The following THBS4 variants were observed in gnomAD, a reference collection of about 807,000 sequenced individuals.
THBS4 encodes thrombospondin 4, also known as thrombospondin-4.
In THBS4, 90 loss-of-function variants were observed where a neutral mutation model predicts 115.7. The observed-to-expected ratio is 0.78, with a 90% CI of 0.66 to 0.93. THBS4 has a LOEUF of 0.93. Ranked by LOEUF, THBS4 falls within the 40% of genes least tolerant of loss-of-function variation. The pLI, the probability that THBS4 is intolerant of heterozygous loss-of-function variation, is 0.00. For synonymous variants in THBS4, 460 were observed against 479.3 expected (o/e 0.96, Z 0.53); for missense variants, 1,087 against 1,232.7 (o/e 0.88, Z 1.77).
intron 8 of THBS4, 134 bp downstream of exon 8, chr5:80,061,966 C>A (rs1391632262): frequency 5.0e-6 from 5 of 999,776 alleles, no homozygotes; most frequent in East Asian, 2.7e-5. Context: ...GCAAAATGAG[C>A]AAATTAGGAA....
chr5:80,015,915 C>T (rs906137588), intron 2 of THBS4, among the ~76,000 whole-genome samples: 4 of 152,178 alleles, frequency 2.6e-5, no homozygotes, highest in African/African-American at 7.2e-5. Context: ...ACAAACTGCA[C>T]GGAAGCCAAT....
chr5:80,082,627 C>A (rs1438536874), intron 21 of THBS4, 82 bp downstream of exon 21: 7 of 1,543,610 alleles, frequency 4.5e-6, no homozygotes, highest in Non-Finnish European at 6.2e-6. Context: ...CCGCACTTCC[C>A]CCCCAAAAGC....
intron 9 of THBS4, 28 bp downstream of exon 9, chr5:80,065,505 CA>C (rs1452767633): frequency 6.3e-7 from 1 of 1,599,136 alleles, no homozygotes; most frequent in African/African-American, 1.3e-5. Context: ...CTGTTGTTAT[CA>C]AAGCAGAACC....
chr5:80,021,606 A>G (rs890175019), intron 2 of THBS4, among the ~76,000 whole-genome samples: 1 of 152,020 alleles, frequency 6.6e-6, no homozygotes, highest in African/African-American at 2.4e-5. Context: ...TCCCAGACTC[A>G]AGGGATCTTT....
chr5:80,021,443 A>G (rs953597247), intron 2 of THBS4, among the ~76,000 whole-genome samples: 13 of 152,208 alleles, frequency 8.5e-5, no homozygotes, highest in African/African-American at 2.9e-4. Context: ...AACATTATCT[A>G]TACACAGACA....
intron 2 of THBS4, among the ~76,000 whole-genome samples, chr5:80,022,113 A>G (rs1832390009): frequency 6.6e-6 from 1 of 152,086 alleles, no homozygotes; most frequent in Admixed American, 6.5e-5. Flanking sequence ...TCTTCAACCC[A>G]TTATGCTGAT....
intron 2 of THBS4, among the ~76,000 whole-genome samples, chr5:80,044,763 G>A (rs1833010722): frequency 6.6e-6 from 1 of 151,980 alleles, no homozygotes; most frequent in African/African-American, 2.4e-5. Context: ...AATATTGAAG[G>A]GCTTTTGGAA....
At chr5:80,075,108 T>C (rs1743133706) in intron 15 of THBS4, 1 of 152,254 alleles carries the variant, frequency 6.6e-6, no homozygotes, top group Admixed American at 6.5e-5. Flanking sequence ...ACAATGTAAA[T>C]GCTAGGTAAA....
intron 2 of THBS4, among the ~76,000 whole-genome samples, chr5:80,042,746 A>G (rs1045658804): frequency 2.0e-5 from 3 of 152,170 alleles, no homozygotes; most frequent in Admixed American, 6.6e-5. Context: ...CAGGCAGATC[A>G]CCTGAGGTCA....
rs755066473 is a variant in THBS4 at position 80,035,633 on chromosome 5, G to A, written c.88+8G>A. 2 of 1,346,018 alleles carry A rather than the reference G, an allele frequency of 1.5e-6. No homozygotes were observed. The highest frequency in any genetic ancestry group is 1.5e-5 in the African/African-American group (1 of 66,346). The allele number at this position is 1,346,018 out of a possible 1,614,324, so 83.4% of individuals were successfully genotyped here. A position where few individuals can be genotyped will look rare whatever the true frequency, so the allele number is the denominator to read the frequency against. ...CCCAGGCCACCCCCCAGGGTAAGTGGGTTCGGGTCGGGCCTGGGAGCGCCG... is the reference window on the plus strand; with the variant it reads ...CCCAGGCCACCCCCCAGGGTAAGTGAGTTCGGGTCGGGCCTGGGAGCGCCG... On this transcript the variant is annotated splice_region_variant and intron_variant, in intron 1 of 21. Transcript: ENST00000350881. This position sits in a 1 kb window ranked among gnomAD's most constrained non-coding sequence, Gnocchi z 4.6.
chr5:80,007,587 A>T (rs1055419326), intron 2 of THBS4, among the ~76,000 whole-genome samples: 1 of 152,094 alleles, frequency 6.6e-6, no homozygotes, highest in Admixed American at 6.6e-5. Context: ...CCTGTTTCTC[A>T]CTCAAGTTCT....
intron 2 of THBS4, among the ~76,000 whole-genome samples, chr5:80,051,304 C>T (rs17878367): frequency 0.022 from 3,277 of 148,740 alleles, 114 homozygotes; most frequent in African/African-American, 0.077. Flanking sequence ...AGCCTGCTTG[C>T]CCTCTGGGTA....
chr5:79,994,575 A>G (rs1831751465), intron 1 of THBS4, among the ~76,000 whole-genome samples: 1 of 152,132 alleles, frequency 6.6e-6, no homozygotes, highest in African/African-American at 2.4e-5. Flanking sequence ...GCACTTTGGG[A>G]GGGAGGATCA....
Position 80,078,047 on chromosome 5 carries a change from A to C in THBS4, c.2087-2A>C, listed in dbSNP as rs1386244275. On this transcript the variant is annotated splice_acceptor_variant, in intron 16 of 21. Transcript: ENST00000350881. LOFTEE classifies it high-confidence loss of function. ...CTCCTGTCCTTTCTCCACCCCACTCAGGCGACGGAGTGGGAGACATCTGTG... is the reference window on the plus strand; with the variant it reads ...CTCCTGTCCTTTCTCCACCCCACTCCGGCGACGGAGTGGGAGACATCTGTG... 1.9e-6 allele frequency: 3 copies of C among 1,570,828 alleles called. No individual in the cohort carries two copies. Among genetic ancestry groups the C allele is most frequent in the Non-Finnish European group, 1.7e-6 (2 of 1,151,196 alleles).
chr5:80,067,082 G>A (rs1833855404), intron 9 of THBS4: 1 of 152,028 alleles, frequency 6.6e-6, no homozygotes, highest in Non-Finnish European at 1.5e-5. Context: ...AGATGAAAAA[G>A]ATCTAATGTA....
At chr5:80,023,923 G>T (rs997445629) in intron 2 of THBS4, among the ~76,000 whole-genome samples, 2 of 152,042 alleles carry the variant, frequency 1.3e-5, no homozygotes, top group Non-Finnish European at 2.9e-5. Flanking sequence ...TTGTGGAAGG[G>T]CATTAATCTA....
chr5:80,003,441 T>A lies in THBS4; in HGVS notation n.177+5014T>A, dbSNP rs114559512. Among the ~76,000 whole-genome samples, 611 of 152,100 alleles carry A rather than the reference T, an allele frequency of 4.0e-3. 2 individuals are homozygous for A. The highest frequency in any genetic ancestry group is 0.014 in the African/African-American group (587 of 41,492). ...GCTTTTGGAAGGGTTAGGTTAGAGG[T>A]CACATCATGCTGTTTTCCTTATCAA... is the stretch of plus-strand genomic sequence containing the variant. On this transcript the variant is annotated intron_variant and non_coding_transcript_variant, in intron 2 of 3. Coordinates refer to the THBS4 transcript ENST00000510218.
At chr5:80,078,349 T>C in intron 17 of THBS4, 122 bp downstream of exon 17, 1 of 782,654 alleles carries the variant, frequency 1.3e-6, no homozygotes, top group South Asian at 2.6e-5. Context: ...TTCGCTCTTA[T>C]TCCTCAACAG....
chr5:80,011,824 A>G (rs1832131502), intron 2 of THBS4, among the ~76,000 whole-genome samples: 1 of 145,450 alleles, frequency 6.9e-6, no homozygotes, highest in Admixed American at 6.9e-5. Context: ...ACATATCAGA[A>G]AAAGTCACTT....
Sources: gnomAD v4.1 joint callset for allele counts (sites outside exome capture counted in the v4.1 genomes callset) on GRCh38, gnomAD v4.1.1 for gene constraint, Gnocchi (gnomAD v3.1) non-coding constraint, MANE v1.5 for transcripts, NCBI Gene and HGNC (gene_info 2026-07-23, HGNC 2026-07-21) for gene names.